Variants in SLC5A4 observed in about 807,000 individuals in gnomAD.
SLC5A4 encodes probable glucose sensor protein SLC5A4.
SLC5A4 carries 55 observed loss-of-function variants against 70.3 expected under a neutral mutation model. The ratio of observed to expected loss-of-function variants is 0.78; its 90% CI spans 0.63 to 0.98. SLC5A4 has a LOEUF of 0.98. SLC5A4 is among the 50% of genes least tolerant of loss of function. The pLI is 0.00. For missense variants in SLC5A4, 735 were observed against 839.2 expected, an observed-to-expected ratio of 0.88 and a Z score of 1.53; for synonymous variants, 268 against 305.7, an observed-to-expected ratio of 0.88 and a Z score of 1.29.
the SLC5A4 span, among the ~76,000 whole-genome samples, chr22:32,279,861 G>T: frequency 2.5e-3 from 376 of 151,960 alleles, 3 homozygotes; most frequent in African/African-American, 8.9e-3. Context: ...ACTCAGAGCA[G>T]ACAGGAAGGC....
chr22:32,317,464 ATTATT>A, the SLC5A4 span, among the ~76,000 whole-genome samples: 4 of 151,666 alleles, frequency 2.6e-5, no homozygotes, highest in Non-Finnish European at 5.9e-5. Context: ...TAATTTTTAA[ATTATT>A]TTATTTTTTT....
chr22:32,320,471 G>A, the SLC5A4 span, among the ~76,000 whole-genome samples: 2 of 152,178 alleles, frequency 1.3e-5, no homozygotes, highest in African/African-American at 4.8e-5. Context: ...CCATCAGCAG[G>A]ATGCCAGGTC....
the SLC5A4 span, chr22:32,271,191 C>T: frequency 1.4e-6 from 1 of 730,756 alleles, no homozygotes; most frequent in Non-Finnish European, 2.4e-6. Context: ...TGGTGACCTG[C>T]CAGCTCCCCG....
At chr22:32,219,190 G>A (rs1381216678) in intron 14 of SLC5A4, among the ~76,000 whole-genome samples, 2 of 152,164 alleles carry the variant, frequency 1.3e-5, no homozygotes, top group East Asian at 1.9e-4. Flanking sequence ...AACATACTGT[G>A]TTAGTGAGTT....
chr22:32,315,990 A>T, the SLC5A4 span, among the ~76,000 whole-genome samples: 2 of 151,880 alleles, frequency 1.3e-5, no homozygotes, highest in Non-Finnish European at 2.9e-5. Context: ...AACATGATGA[A>T]ACCCCGTCTC....
At chr22:32,289,063 T>A in the SLC5A4 span, among the ~76,000 whole-genome samples, 3 of 152,162 alleles carry the variant, frequency 2.0e-5, no homozygotes, top group Admixed American at 1.3e-4. Flanking sequence ...AAGCTTTCCG[T>A]ATTTCAAGTA....
chr22:32,233,883 A>G (rs191818449), intron 8 of SLC5A4, among the ~76,000 whole-genome samples: 2 of 152,162 alleles, frequency 1.3e-5, no homozygotes, highest in East Asian at 3.9e-4. Flanking sequence ...AAGCTGAGGA[A>G]AAGTCAGGCA....
rs79183903 is a variant in SLC5A4, at chr22:32,222,501, T to A, written c.1666-1479A>T. Among the ~76,000 whole-genome samples, 552 of 152,248 alleles carry A rather than the reference T, an allele frequency of 3.6e-3. 3 individuals are homozygous for A. The highest frequency in any genetic ancestry group is 0.02 in the South Asian group (97 of 4,828). On this transcript the variant is annotated intron_variant, in intron 13 of 14. Coordinates refer to ENST00000266086, the MANE Select transcript of SLC5A4 (RefSeq NM_014227.3). ...GAGACATTAACATAAATCAGAAAAATGGTCTCACTGGTCCTTCAGACAATA... is the reference window on the plus strand; with the variant it reads ...GAGACATTAACATAAATCAGAAAAAAGGTCTCACTGGTCCTTCAGACAATA...
chr22:32,333,606 C>T, the SLC5A4 span, among the ~76,000 whole-genome samples: 7 of 152,078 alleles, frequency 4.6e-5, no homozygotes, highest in African/African-American at 2.4e-5. Context: ...CTTGCATCTC[C>T]GTGCTTCCTT....
At chr22:32,312,364 C>T in the SLC5A4 span, among the ~76,000 whole-genome samples, 65 of 102,952 alleles carry the variant, frequency 6.3e-4, no homozygotes, top group African/African-American at 2.5e-3. Context: ...CACGCGCGCG[C>T]GCACACACAC....
the SLC5A4 span, chr22:32,354,768 G>C: frequency 1.3e-5 from 2 of 150,786 alleles, no homozygotes; most frequent in Non-Finnish European, 2.9e-5. Flanking sequence ...GCCCTGGATA[G>C]GGCCTCCAAC....
At chr22:32,344,925 A>G in the SLC5A4 span, among the ~76,000 whole-genome samples, 1 of 152,196 alleles carries the variant, frequency 6.6e-6, no homozygotes, top group Admixed American at 6.5e-5. Context: ...ATCTCCTCCC[A>G]TTTCACAAAG....
the SLC5A4 span, among the ~76,000 whole-genome samples, chr22:32,305,524 C>G: frequency 6.7e-6 from 1 of 148,720 alleles, no homozygotes; most frequent in African/African-American, 2.5e-5. Context: ...TCTGGTATCC[C>G]CATCATCAGA....
chr22:32,334,084 AAC>A, the SLC5A4 span, among the ~76,000 whole-genome samples: 16,826 of 149,018 alleles, frequency 0.11, 1,601 homozygotes, highest in African/African-American at 0.27. Flanking sequence ...TATGCCAGAC[AAC>A]ACACACACAC....
At chr22:32,329,663 T>A in the SLC5A4 span, among the ~76,000 whole-genome samples, 1 of 34,004 alleles carries the variant, frequency 2.9e-5, no homozygotes, top group East Asian at 1.5e-3. Context: ...GGGGCTCTGG[T>A]GTGTGTGTGT....
chr22:32,275,858 C>T, the SLC5A4 span, among the ~76,000 whole-genome samples: 1 of 152,200 alleles, frequency 6.6e-6, no homozygotes, highest in Admixed American at 6.5e-5. Flanking sequence ...TCCTATTTCT[C>T]CACATCCTCT....
chr22:32,304,754 C>T, the SLC5A4 span, among the ~76,000 whole-genome samples: 2 of 152,090 alleles, frequency 1.3e-5, no homozygotes, highest in Non-Finnish European at 2.9e-5. Flanking sequence ...CTTATCAATT[C>T]TCTCTTTCAT....
At chr22:32,223,134 A>G (rs1468582099) in intron 13 of SLC5A4, among the ~76,000 whole-genome samples, 1 of 152,196 alleles carries the variant, frequency 6.6e-6, no homozygotes, top group African/African-American at 2.4e-5. Flanking sequence ...GAGCTCCCTC[A>G]TGTTTCTAAA....
At chr22:32,318,231 AT>A in the SLC5A4 span, among the ~76,000 whole-genome samples, 191 of 144,594 alleles carry the variant, frequency 1.3e-3, no homozygotes, top group South Asian at 3.3e-3. Flanking sequence ...GCATATGTTG[AT>A]TTTTTTTTTT....
Sources: gnomAD v4.1 joint callset for allele counts (sites outside exome capture counted in the v4.1 genomes callset) on GRCh38, gnomAD v4.1.1 for gene constraint, MANE v1.5 for transcripts, NCBI Gene and HGNC (gene_info 2026-07-23, HGNC 2026-07-21) for gene names.